ZNF804B: variants seen among roughly 807,000 people sequenced by gnomAD.
ZNF804B encodes the protein zinc finger protein 804B, also known as zinc finger 804B.
ZNF804B carries 80 observed loss-of-function variants against 101.4 expected under a neutral mutation model. That is an observed-to-expected ratio of 0.79 (90% CI 0.66 to 0.95). ZNF804B has a LOEUF of 0.95. Among genes scored for constraint, ZNF804B ranks in the 40% least tolerant of loss-of-function variants. ZNF804B has a pLI of 0.00. For missense variants in ZNF804B, 1,673 were observed against 1,561.9 expected (o/e 1.07, Z -1.20); for synonymous variants, 622 against 558.8 (o/e 1.11, Z -1.59).
At chr7:89,325,460 G>A (rs147148955) in intron 2 of ZNF804B, among the ~76,000 whole-genome samples, 8 of 152,036 alleles carry the variant, frequency 5.3e-5, no homozygotes, top group Admixed American at 5.3e-4. Context: ...AAATTGATTT[G>A]TTGATTTGTA....
intron 1 of ZNF804B, among the ~76,000 whole-genome samples, chr7:89,140,859 G>A (rs555201615): frequency 5.9e-5 from 9 of 152,082 alleles, no homozygotes; most frequent in African/African-American, 1.9e-4. Flanking sequence ...TAACAGCTTG[G>A]CTAAGTGTTT....
chr7:89,189,695 T>A (rs1448523410), intron 1 of ZNF804B, among the ~76,000 whole-genome samples: 1 of 152,168 alleles, frequency 6.6e-6, no homozygotes, highest in Non-Finnish European at 1.5e-5. Flanking sequence ...AGCAAGCAGC[T>A]TCAAGCGGGG....
chr7:89,268,636 T>A (rs537523886), intron 2 of ZNF804B, among the ~76,000 whole-genome samples: 1 of 152,062 alleles, frequency 6.6e-6, no homozygotes, highest in South Asian at 2.1e-4. Context: ...AGTCTTGTAA[T>A]GGGATTCAAC....
At chr7:88,875,648 T>G (rs1297963965) in intron 1 of ZNF804B, among the ~76,000 whole-genome samples, 1 of 151,990 alleles carries the variant, frequency 6.6e-6, no homozygotes, top group Non-Finnish European at 1.5e-5. Context: ...TAACAGGCTC[T>G]GAAATTGTGG....
chr7:89,338,166 T>C lies in ZNF804B; in HGVS notation c.*1134T>C, dbSNP rs997586891. The stretch of plus-strand genomic sequence containing the variant: ...TCCTACAGTTAGGTTTATTATTTTA[T>C]GTTCTTAAGCATGAGTTTCAGAGAA... On this transcript the variant is annotated 3_prime_UTR_variant, in exon 4 of 4. Transcript: ENST00000333190. Among the ~76,000 whole-genome samples, 2 of 152,130 alleles carry C rather than the reference T, an allele frequency of 1.3e-5. No homozygotes were observed. The highest frequency in any genetic ancestry group is 2.9e-5 in the Non-Finnish European group (2 of 67,964).
chr7:89,238,717 T>C (rs1789319474), intron 2 of ZNF804B, among the ~76,000 whole-genome samples: 1 of 88,702 alleles, frequency 1.1e-5, no homozygotes, highest in African/African-American at 3.6e-5. Context: ...GTTAATACAA[T>C]GTCTGCCTTA....
At chr7:89,072,406 T>A (rs764240333) in intron 1 of ZNF804B, among the ~76,000 whole-genome samples, 3 of 152,158 alleles carry the variant, frequency 2.0e-5, no homozygotes, top group Non-Finnish European at 4.4e-5. Context: ...ACTCAACAAC[T>A]GCCTTTTAAA....
chr7:89,099,702 T>G (rs2116336555), intron 1 of ZNF804B, among the ~76,000 whole-genome samples: 1 of 152,194 alleles, frequency 6.6e-6, no homozygotes, highest in South Asian at 2.1e-4. Context: ...TGTGTTGGGG[T>G]TTTGAGGTAA....
chr7:89,054,090 G>A (rs545335422), intron 1 of ZNF804B, among the ~76,000 whole-genome samples: 9 of 151,914 alleles, frequency 5.9e-5, no homozygotes, highest in Non-Finnish European at 8.8e-5. Flanking sequence ...CAAATTTCAT[G>A]TGGAATTCTA....
chr7:89,071,259 C>T (rs1483288000), intron 1 of ZNF804B, among the ~76,000 whole-genome samples: 2 of 151,966 alleles, frequency 1.3e-5, no homozygotes, highest in East Asian at 1.9e-4. Flanking sequence ...CAAGGGTTGT[C>T]TGTATTAAAT....
At chr7:89,158,041 C>G (rs1222952214) in intron 1 of ZNF804B, among the ~76,000 whole-genome samples, 6 of 150,162 alleles carry the variant, frequency 4.0e-5, no homozygotes, top group Non-Finnish European at 1.5e-5. Flanking sequence ...TTTCAGGAAG[C>G]CTCATAAGCG....
intron 1 of ZNF804B, among the ~76,000 whole-genome samples, chr7:89,078,927 A>T (rs1292566245): frequency 6.6e-6 from 1 of 152,086 alleles, no homozygotes; most frequent in Non-Finnish European, 1.5e-5. Context: ...GAGATGGAGT[A>T]TGGGGCCAAT....
At position 88,818,310 on chromosome 7, in the gene ZNF804B, A is replaced by G. The variant is rs190263688; in HGVS notation, c.108+58226A>G. ...TTCACCAAAAATCTCGAGTTGGCAT[A>G]AAGTCATTGCTGATAAATTAGGGAT... is the stretch of plus-strand genomic sequence containing the variant. On this transcript the variant is annotated intron_variant, in intron 1 of 3. Coordinates refer to ENST00000333190, the MANE Select transcript of ZNF804B (RefSeq NM_181646.5). 5.8e-3 allele frequency among the ~76,000 whole-genome samples: 877 copies of G among 152,306 alleles called. 10 individuals are homozygous for G. The highest frequency in any genetic ancestry group is 0.02 in the African/African-American group (834 of 41,580).
chr7:89,249,644 G>C (rs946587489), intron 2 of ZNF804B, among the ~76,000 whole-genome samples: 2 of 152,112 alleles, frequency 1.3e-5, no homozygotes, highest in Non-Finnish European at 2.9e-5. Context: ...GCAGTATTAA[G>C]AGGGAAATTT....
intron 1 of ZNF804B, among the ~76,000 whole-genome samples, chr7:89,008,631 A>G (rs774185420): frequency 1.2e-4 from 19 of 152,028 alleles, no homozygotes; most frequent in Non-Finnish European, 1.0e-4. Flanking sequence ...ATTAGCTTCC[A>G]ATATCTCCCA....
intron 1 of ZNF804B, among the ~76,000 whole-genome samples, chr7:89,016,613 G>GT (rs1788565836): frequency 6.7e-6 from 1 of 149,770 alleles, no homozygotes; most frequent in Non-Finnish European, 1.5e-5. Context: ...CCCATTGCTT[G>GT]TTTTTCTCAG....
intron 1 of ZNF804B, among the ~76,000 whole-genome samples, chr7:89,159,573 A>G (rs189039924): frequency 8.1e-4 from 124 of 152,282 alleles, no homozygotes; most frequent in African/African-American, 2.7e-3. Context: ...CATGTATCAT[A>G]TGGAGGTTCC....
At chr7:89,194,472 C>A (rs1409234572) in intron 1 of ZNF804B, among the ~76,000 whole-genome samples, 1 of 150,706 alleles carries the variant, frequency 6.6e-6, no homozygotes, top group South Asian at 2.1e-4. Flanking sequence ...TTTAATCCAT[C>A]TTGAATTAAT....
At chr7:89,233,700 G>A (rs1789234016) in intron 2 of ZNF804B, among the ~76,000 whole-genome samples, 2 of 151,850 alleles carry the variant, frequency 1.3e-5, no homozygotes, top group African/African-American at 4.8e-5. Context: ...GTGCAATGGT[G>A]TGATCTTGGC....
Sources: gnomAD v4.1 joint callset for allele counts (sites outside exome capture counted in the v4.1 genomes callset) on GRCh38, gnomAD v4.1.1 for gene constraint, MANE v1.5 for transcripts, NCBI Gene and HGNC (gene_info 2026-07-23, HGNC 2026-07-21) for gene names.